The following CIZ1 variants were observed in gnomAD, a reference collection of about 807,000 sequenced individuals.
The protein encoded by CIZ1 is cip1-interacting zinc finger protein.
CIZ1 carries 58 observed loss-of-function variants against 118.6 expected under a neutral mutation model. That is an observed-to-expected ratio of 0.49 (90% CI 0.40 to 0.61). The LOEUF is 0.61. CIZ1 is among the 20% of genes least tolerant of loss of function. The pLI is 0.00. For synonymous variants in CIZ1, 448 were observed against 443.4 expected (o/e 1.01, Z -0.13); for missense variants, 921 against 1,115.9 (o/e 0.83, Z 2.49).
At chr9:128,173,801 T>A (rs1294839219) in intron 11 of CIZ1, among the ~76,000 whole-genome samples, 2 of 151,658 alleles carry the variant, frequency 1.3e-5, no homozygotes, top group Non-Finnish European at 2.9e-5. Flanking sequence ...GGTCAGGAGA[T>A]CAAGACCATC....
chr9:128,178,524 C>A (rs781606022), intron 8 of CIZ1, 34 bp from the exon 9 acceptor site: 33 of 1,613,694 alleles, frequency 2.0e-5, no homozygotes, highest in Admixed American at 1.5e-4. Flanking sequence ...TTCCCAGAGT[C>A]CCCAGGCCCA....
Position 128,178,362 on chromosome 9 carries a change from T to C in CIZ1, c.1620+7A>G. 1 of 1,612,166 alleles carries C rather than the reference T, an allele frequency of 6.2e-7. No individual in the cohort carries two copies. On this transcript the variant is annotated splice_region_variant and intron_variant, in intron 9 of 16. Coordinates refer to ENST00000372938, the MANE Select transcript of CIZ1 (RefSeq NM_001131016.2). ...CCTCACACTGCCACATCAGGGCCTC[T>C]ACCCACCCCTGGCATCTCTCTCGCT...
In CIZ1 at chr9:128,203,147, A is replaced by G. The variant is rs935219914; in HGVS notation, c.-6+1039T>C. ...CAGACCACTCTCCAAGAGGCCTGGT[A>G]CTAGGAGTGAGACCCAACCCATTGA... On this transcript the variant is annotated intron_variant, in intron 1 of 17. Coordinates refer to the CIZ1 transcript ENST00000372948. This position sits in a 1 kb window ranked among gnomAD's most constrained non-coding sequence, Gnocchi z 5.3. Among the ~76,000 whole-genome samples the G allele has an allele frequency of 1.3e-5, 2 of 152,182 alleles. No homozygotes were observed. The highest frequency in any genetic ancestry group is 2.9e-5 in the Non-Finnish European group (2 of 68,010).
chr9:128,168,534 A>G (rs1190191888), intron 14 of CIZ1, among the ~76,000 whole-genome samples: 1 of 151,784 alleles, frequency 6.6e-6, no homozygotes, highest in African/African-American at 2.4e-5. Context: ...AAAAGAAAAA[A>G]AAAAAAAAAC....
At chr9:128,168,696 A>G (rs754007328) in intron 14 of CIZ1, 9 of 289,682 alleles carry the variant, frequency 3.1e-5, no homozygotes, top group Non-Finnish European at 4.7e-5. Flanking sequence ...GGAACACACT[A>G]AGTGCTCAAA....
At chr9:128,190,490 C>A (rs755296232) in intron 2 of CIZ1, 46 bp from the exon 3 acceptor site, 1 of 1,479,990 alleles carries the variant, frequency 6.8e-7, no homozygotes, top group Non-Finnish European at 9.3e-7. Flanking sequence ...GAAAGTCAGA[C>A]CTTCCTTCTT....
rs1274461358 is a variant in CIZ1, at chr9:128,167,048, C to G, written c.2365+47G>C. 5 of 1,579,282 alleles carry G rather than the reference C, an allele frequency of 3.2e-6. No homozygotes were observed. The East Asian group carries it at 1.1e-4, about 36-fold the overall frequency. On this transcript the variant is annotated intron_variant, in intron 15 of 16. Coordinates refer to ENST00000372938, the MANE Select transcript of CIZ1 (RefSeq NM_001131016.2). Reference sequence around the variant, plus strand: ...ATGGGAGGGTCATGTGGAGGCTGGGCCCAAGGGCTGAAGCTCCTGCAGGTG... The same window carrying G: ...ATGGGAGGGTCATGTGGAGGCTGGGGCCAAGGGCTGAAGCTCCTGCAGGTG...
At chr9:128,185,859 A>G (rs1308989833) in intron 4 of CIZ1, 83 bp from the exon 5 acceptor site, 10 of 920,838 alleles carry the variant, frequency 1.1e-5, no homozygotes, top group Non-Finnish European at 1.7e-5. Flanking sequence ...GCCCCAGAGC[A>G]TCATGGGAAC....
intron 5 of CIZ1, among the ~76,000 whole-genome samples, chr9:128,183,243 G>A (rs940515515): frequency 1.3e-5 from 2 of 152,172 alleles, no homozygotes; most frequent in Non-Finnish European, 2.9e-5. Flanking sequence ...CTGTCACCCT[G>A]CACGAAACAG....
At chr9:128,180,888 C>T in intron 5 of CIZ1, 74 bp from the exon 6 acceptor site, 1 of 1,093,538 alleles carries the variant, frequency 9.1e-7, no homozygotes, top group East Asian at 2.4e-5. Context: ...AGGGCAGCTG[C>T]CCCCCATCCT....
At chr9:128,173,424 C>A (rs564158027) in intron 11 of CIZ1, among the ~76,000 whole-genome samples, 1 of 151,612 alleles carries the variant, frequency 6.6e-6, no homozygotes, top group Non-Finnish European at 1.5e-5. Context: ...GGATTACAGG[C>A]GTGAGCTACC....
At chr9:128,188,108 AGAAAAAAGC>A in intron 3 of CIZ1, among the ~76,000 whole-genome samples, 174 bp from the exon 4 acceptor site, 1 of 56,238 alleles carries the variant, frequency 1.8e-5, no homozygotes, top group Non-Finnish European at 4.3e-5. Flanking sequence ...AGCAAAAGAA[AGAAAAAAGC>A]AAAAAAAAAA....
chr9:128,203,402 G>GCGGAGCCGGAGT lies in CIZ1; in HGVS notation c.-6+772_-6+783dup, dbSNP rs1833604478. On this transcript the variant is annotated intron_variant, in intron 1 of 17. Transcript: ENST00000372948. This position sits in a 1 kb window ranked among gnomAD's most constrained non-coding sequence, Gnocchi z 5.3. ...GCAGTCTGGGCGCGCGGCTGCAGCGGCGGAGCCGGAGTCGGAGCCGGGAGC... is the reference window on the plus strand; with the variant it reads ...GCAGTCTGGGCGCGCGGCTGCAGCGGCGGAGCCGGAGTCGGAGCCGGAGTCGGAGCCGGGAGC... The GCGGAGCCGGAGT allele has an allele frequency of 2.3e-6, 3 of 1,330,268 alleles. No individual in the cohort carries two copies. Among genetic ancestry groups the GCGGAGCCGGAGT allele is most frequent in the Admixed American group, 7.7e-5 (2 of 26,002 alleles). The allele number at this position is 1,330,268 out of a possible 1,614,324, so 82.4% of individuals were successfully genotyped here.
At chr9:128,202,924 A>G (rs543704700) in intron 1 of CIZ1, 1 of 152,218 alleles carries the variant, frequency 6.6e-6, no homozygotes, top group South Asian at 2.1e-4. Context: ...TTCTCCTTCT[A>G]GAAACAAGGA....
rs1831297951 is a variant in CIZ1, at chr9:128,179,516, T to G, written c.792-101A>C. ...GGCCGAGCGTGGTGGCTCGCATCTG[T>G]AAACCCAGCACTTTGGGAGGCTGAG... On this transcript the variant is annotated intron_variant, in intron 7 of 16. Coordinates refer to ENST00000372938, the MANE Select transcript of CIZ1 (RefSeq NM_001131016.2). 1.0e-5 allele frequency: 11 copies of G among 1,058,754 alleles called. No homozygotes were observed. The South Asian group carries it at 1.8e-4, about 17-fold the overall frequency. 65.6% of individuals were successfully genotyped at this position (1,058,754 alleles called of 1,614,324 possible).
chr9:128,176,415 T>C lies in CIZ1; in HGVS notation c.1879A>G (p.Met627Val), dbSNP rs762417044. 12 of 1,613,924 alleles carry C rather than the reference T, an allele frequency of 7.4e-6. No homozygotes were observed. Among genetic ancestry groups the C allele is most frequent in the Non-Finnish European group, 9.3e-6 (11 of 1,180,006 alleles). Residue 627 changes from methionine (M) to valine (V), a missense_variant, in exon 11 of 17, where the codon ATG (methionine) becomes GTG (valine). Coordinates refer to ENST00000372938, the MANE Select transcript of CIZ1 (RefSeq NM_001131016.2). ...HQQRLGEIQH[M>V]SQACLLSLLP... ...AGGGACAGGAGGCAGGCTTGGCTCATGTGCTGGATCTCCCCTAGCCGCTGC... is the reference window on the plus strand; with the variant it reads ...AGGGACAGGAGGCAGGCTTGGCTCACGTGCTGGATCTCCCCTAGCCGCTGC...
chr9:128,178,595 C>G, intron 8 of CIZ1, 105 bp from the exon 9 acceptor site: 1 of 1,592,398 alleles, frequency 6.3e-7, no homozygotes, highest in East Asian at 2.2e-5. Flanking sequence ...TGGCCCTGGA[C>G]CTGGGTTCCA....
chr9:128,178,942 T>C lies in CIZ1; in HGVS notation c.1265A>G (p.Gln422Arg). 1.2e-6 allele frequency: 2 copies of C among 1,614,202 alleles called. No individual in the cohort carries two copies. The highest frequency in any genetic ancestry group is 1.1e-5 in the South Asian group (1 of 91,074). The part of the protein sequence containing the change: ...HSQPPRQVQL[Q>R]LQKQVQTQTY... ...CTGTGTCTGGACCTGCTTCTGCAGC[T>C]GCAGCTGCACCTGCCTTGGGGGCTG... is the stretch of plus-strand genomic sequence containing the variant. The change falls in exon 8 of 17, where the codon CAG (glutamine) becomes CGG (arginine). Residue 422 changes from glutamine to arginine, a missense_variant. Gln to Arg is a conservative substitution (Grantham distance 43). Transcript: ENST00000372938.
chr9:128,184,915 C>T (rs1832156962), intron 5 of CIZ1, among the ~76,000 whole-genome samples: 1 of 152,078 alleles, frequency 6.6e-6, no homozygotes, highest in African/African-American at 2.4e-5. Context: ...GGTGATCCAC[C>T]CACCATGGCC....
Sources: allele counts gnomAD v4.1 joint callset (sites outside exome capture counted in the v4.1 genomes callset), GRCh38; gene constraint gnomAD v4.1.1; non-coding constraint Gnocchi (gnomAD v3.1); transcripts MANE v1.5; gene names NCBI Gene and HGNC (gene_info 2026-07-23, HGNC 2026-07-21).